ZNF438: variants seen among roughly 807,000 people sequenced by gnomAD.
ZNF438 encodes zinc finger protein 438.
ZNF438 carries 25 observed loss-of-function variants against 38.0 expected under a neutral mutation model. The ratio of observed to expected loss-of-function variants is 0.66; its 90% CI spans 0.48 to 0.92. ZNF438 has a LOEUF of 0.92. Ranked by LOEUF, ZNF438 falls within the 40% of genes least tolerant of loss-of-function variation. The pLI, the probability that ZNF438 is intolerant of heterozygous loss-of-function variation, is 0.00. For missense variants in ZNF438, 1,007 were observed against 999.6 expected (o/e 1.01, Z -0.10); for synonymous variants, 372 against 364.1 (o/e 1.02, Z -0.25).
At chr10:30,958,841 TCAACA>T (rs1233381841) in intron 1 of ZNF438, among the ~76,000 whole-genome samples, 1 of 147,356 alleles carries the variant, frequency 6.8e-6, no homozygotes, top group African/African-American at 2.4e-5. Context: ...TTCCTTTCAC[TCAACA>T]CTATATTTTT....
At chr10:30,951,897 C>T (rs2048247932) in intron 1 of ZNF438, among the ~76,000 whole-genome samples, 2 of 151,858 alleles carry the variant, frequency 1.3e-5, no homozygotes, top group Non-Finnish European at 2.9e-5. Flanking sequence ...TGGAAAAAAA[C>T]TACTTTAAAG....
At chr10:30,902,238 A>G (rs1167118211) in intron 3 of ZNF438, among the ~76,000 whole-genome samples, 2 of 152,122 alleles carry the variant, frequency 1.3e-5, no homozygotes, top group Non-Finnish European at 2.9e-5. Flanking sequence ...GGTCTGTTTC[A>G]CAGAGAGCTG....
At chr10:30,926,669 G>C (rs923886591) in intron 2 of ZNF438, among the ~76,000 whole-genome samples, 1 of 150,250 alleles carries the variant, frequency 6.7e-6, no homozygotes, top group African/African-American at 2.4e-5. Context: ...AAAAAAAAAG[G>C]AACAACAAAG....
chr10:30,877,670 A>C (rs2038636487), intron 3 of ZNF438, among the ~76,000 whole-genome samples: 1 of 152,178 alleles, frequency 6.6e-6, no homozygotes, highest in Admixed American at 6.5e-5. Context: ...TGGTGATGGA[A>C]TTACAGGTGT....
At chr10:30,850,278 G>C (rs777899687) in exon 5 of ZNF438, 1 of 1,614,124 alleles carries the variant, frequency 6.2e-7, no homozygotes, top group South Asian at 1.1e-5. Context: ...AGGACTTTGG[G>C]CACAATTTTT....
chr10:30,854,270 C>T (rs1035521727), intron 4 of ZNF438, among the ~76,000 whole-genome samples: 11 of 152,060 alleles, frequency 7.2e-5, no homozygotes, highest in African/African-American at 2.4e-4. Context: ...GCCGAAATAG[C>T]GCCACTGCAC....
intron 2 of ZNF438, among the ~76,000 whole-genome samples, chr10:30,927,052 C>T (rs957325487): frequency 2.6e-5 from 4 of 152,182 alleles, no homozygotes; most frequent in African/African-American, 4.8e-5. Context: ...CCATAATACA[C>T]GTTGTCTAAA....
chr10:31,004,928 G>A (rs1412232052), intron 1 of ZNF438, among the ~76,000 whole-genome samples: 1 of 152,212 alleles, frequency 6.6e-6, no homozygotes, highest in Non-Finnish European at 1.5e-5. Flanking sequence ...TTAAGCAAAT[G>A]TGATTATTAC....
At chr10:30,866,552 G>T (rs2036452294) in intron 4 of ZNF438, among the ~76,000 whole-genome samples, 1 of 152,060 alleles carries the variant, frequency 6.6e-6, no homozygotes, top group Admixed American at 6.6e-5. Flanking sequence ...TGGTGCTTAT[G>T]GGTCAGGCGC....
intron 1 of ZNF438, among the ~76,000 whole-genome samples, chr10:30,943,633 T>G (rs1386752688): frequency 2.0e-5 from 3 of 152,160 alleles, no homozygotes; most frequent in Non-Finnish European, 2.9e-5. Context: ...TGACATTACT[T>G]TCAAGCCTGG....
chr10:31,021,272 T>C (rs2056573949), intron 1 of ZNF438, among the ~76,000 whole-genome samples: 1 of 152,160 alleles, frequency 6.6e-6, no homozygotes, highest in Non-Finnish European at 1.5e-5. Context: ...ACTTCTAAGA[T>C]AATGAATGCC....
intron 3 of ZNF438, among the ~76,000 whole-genome samples, chr10:30,893,627 C>T (rs972614140): frequency 1.3e-5 from 2 of 152,154 alleles, no homozygotes; most frequent in Non-Finnish European, 2.9e-5. Context: ...AAAAATCATG[C>T]TCCTTTATGT....
chr10:31,010,514 A>G (rs2055570177), intron 1 of ZNF438, among the ~76,000 whole-genome samples: 1 of 152,224 alleles, frequency 6.6e-6, no homozygotes, highest in South Asian at 2.1e-4. Flanking sequence ...AAAATTGTAC[A>G]CAAATGTTAC....
exon 5 of ZNF438, chr10:30,849,055 C>G: frequency 1.2e-6 from 2 of 1,614,080 alleles, no homozygotes; most frequent in Non-Finnish European, 1.7e-6. Context: ...TTGGAGAAGC[C>G]AGGGAGGCCA....
chr10:30,990,087 A>G (rs1399864191), intron 1 of ZNF438, among the ~76,000 whole-genome samples: 1 of 152,190 alleles, frequency 6.6e-6, no homozygotes, highest in East Asian at 1.9e-4. Flanking sequence ...GAATTAACTA[A>G]TACGTTAAAT....
intron 1 of ZNF438, among the ~76,000 whole-genome samples, chr10:30,991,995 TA>T (rs2053552811): frequency 6.6e-6 from 1 of 152,204 alleles, no homozygotes; most frequent in South Asian, 2.1e-4. Flanking sequence ...CCTGGCAGTT[TA>T]CTAGACTGTG....
exon 5 of ZNF438, chr10:30,849,617 A>G: frequency 2.5e-6 from 4 of 1,614,172 alleles, no homozygotes; most frequent in African/African-American, 1.3e-5. Flanking sequence ...TGCAAGATCA[A>G]CTTGTTCTTT....
intron 4 of ZNF438, among the ~76,000 whole-genome samples, chr10:30,852,162 G>A (rs997897761): frequency 9.3e-5 from 14 of 150,224 alleles, no homozygotes; most frequent in Non-Finnish European, 1.3e-4. Flanking sequence ...GCGAGACTCC[G>A]TCTCAAAAAA....
intron 1 of ZNF438, among the ~76,000 whole-genome samples, chr10:30,999,717 C>T (rs1180642211): frequency 6.6e-6 from 1 of 152,160 alleles, no homozygotes; most frequent in Non-Finnish European, 1.5e-5. Flanking sequence ...ATTCTTTACA[C>T]ATATTTATTT....
Sources: allele counts gnomAD v4.1 joint callset (sites outside exome capture counted in the v4.1 genomes callset), GRCh38; gene constraint gnomAD v4.1.1; transcripts MANE v1.5; gene names NCBI Gene and HGNC (gene_info 2026-07-23, HGNC 2026-07-21).